The following ABCB1 variants were observed in gnomAD, a reference collection of about 807,000 sequenced individuals.
ABCB1 encodes ATP binding cassette subfamily B member 1.
Under a neutral mutation model 142.0 loss-of-function variants are expected in ABCB1, and 69 were observed. The observed-to-expected ratio is 0.49, with a 90% CI of 0.40 to 0.59. The LOEUF is 0.59. Ranked by LOEUF, ABCB1 falls within the 20% of genes least tolerant of loss-of-function variation. The probability of loss-of-function intolerance (pLI) is 0.00; values close to 1 mark genes in which losing one functional copy is unlikely to be tolerated. For synonymous variants in ABCB1, 532 were observed against 539.2 expected (o/e 0.99, Z 0.18); for missense variants, 1,326 against 1,554.7 (o/e 0.85, Z 2.47).
chr7:87,693,168 C>G (rs1471387369), intron 1 of ABCB1, among the ~76,000 whole-genome samples: 1 of 151,956 alleles, frequency 6.6e-6, no homozygotes, highest in Non-Finnish European at 1.5e-5. Flanking sequence ...TATTGTTATA[C>G]TAGCAATTTC....
intron 1 of ABCB1, among the ~76,000 whole-genome samples, chr7:87,607,871 T>C (rs17328288): frequency 0.03 from 4,582 of 152,302 alleles, 64 homozygotes; most frequent in Middle Eastern, 0.048. Context: ...TTGTTAAAGG[T>C]GAAAACGATT....
chr7:87,575,941 A>T (rs1563059637), intron 4 of ABCB1, among the ~76,000 whole-genome samples: 1 of 152,152 alleles, frequency 6.6e-6, no homozygotes, highest in Non-Finnish European at 1.5e-5. Flanking sequence ...AAAAAGTAGG[A>T]TTCCTGGCCC....
intron 1 of ABCB1, among the ~76,000 whole-genome samples, chr7:87,642,596 T>C (rs1021252014): frequency 9.9e-5 from 15 of 151,976 alleles, no homozygotes; most frequent in Admixed American, 9.2e-4. Flanking sequence ...GATGAATCTT[T>C]TTGGAAAGTT....
chr7:87,520,422 TC>T (rs1263592443), intron 22 of ABCB1, among the ~76,000 whole-genome samples: 1 of 152,134 alleles, frequency 6.6e-6, no homozygotes, highest in East Asian at 1.9e-4. Context: ...AGCACCATCC[TC>T]TCTGTGTCCC....
At chr7:87,566,534 T>C (rs1202169) in intron 6 of ABCB1, among the ~76,000 whole-genome samples, 60,262 of 151,998 alleles carry the variant, frequency 0.4, 12,766 homozygotes, top group East Asian at 0.64. Context: ...TACTGCACAT[T>C]CTCAGAGGAT....
chr7:87,515,559 T>C (rs992594354), intron 24 of ABCB1, 131 bp from the exon 25 acceptor site: 10 of 557,970 alleles, frequency 1.8e-5, no homozygotes, highest in Non-Finnish European at 2.7e-5. Flanking sequence ...TTCAAACTGC[T>C]AGAATTTATT....
At chr7:87,676,237 C>A (rs1453661984) in intron 1 of ABCB1, among the ~76,000 whole-genome samples, 1 of 151,852 alleles carries the variant, frequency 6.6e-6, no homozygotes, top group Admixed American at 6.6e-5. Flanking sequence ...AACAAACAAA[C>A]AAACAAACAA....
At chr7:87,520,727 T>C (rs757175766) in intron 22 of ABCB1, 49 bp downstream of exon 22, 23 of 1,510,238 alleles carry the variant, frequency 1.5e-5, no homozygotes, top group Non-Finnish European at 1.8e-5. Flanking sequence ...ACAAATATGA[T>C]GATTGAAAAA....
intron 1 of ABCB1, among the ~76,000 whole-genome samples, chr7:87,609,287 T>C (rs543430315): frequency 6.6e-6 from 1 of 152,300 alleles, no homozygotes. Context: ...CATGAATATA[T>C]TGGAGATCCT....
upstream of ABCB1, among the ~76,000 whole-genome samples, chr7:87,601,268 A>G (rs1296833419): frequency 1.3e-5 from 2 of 152,228 alleles, no homozygotes; most frequent in Non-Finnish European, 2.9e-5. Flanking sequence ...CCAATTCTGT[A>G]TCACCTTTCT....
chr7:87,658,329 A>G (rs28746493), intron 1 of ABCB1, among the ~76,000 whole-genome samples: 48 of 152,322 alleles, frequency 3.2e-4, no homozygotes, highest in Admixed American at 5.9e-4. Context: ...AGACAAAACA[A>G]TAGAAATTTC....
rs1223214095 is a variant in ABCB1, at chr7:87,507,689, A to G, written c.3489+1586T>C. 2.0e-5 allele frequency among the ~76,000 whole-genome samples: 3 copies of G among 152,102 alleles called. No individual in the cohort carries two copies. In the South Asian group the frequency reaches 6.2e-4, roughly 32 times the overall value. The stretch of plus-strand genomic sequence containing the variant: ...GGTGTTGCTTGCCTGCCTCGTGAGG[A>G]AACTGTCTTCCCCGCCGGGTTGAGG... On this transcript the variant is annotated intron_variant, in intron 26 of 27. Transcript: ENST00000622132.
At chr7:87,614,447 AAGAG>A (rs1462257555) in intron 1 of ABCB1, among the ~76,000 whole-genome samples, 2 of 152,084 alleles carry the variant, frequency 1.3e-5, no homozygotes, top group Non-Finnish European at 2.9e-5. Flanking sequence ...AAGAGAAAGA[AAGAG>A]AGAAAGAATG....
chr7:87,618,529 A>G (rs1002213910), intron 1 of ABCB1, among the ~76,000 whole-genome samples: 1 of 152,194 alleles, frequency 6.6e-6, no homozygotes, highest in African/African-American at 2.4e-5. Context: ...GTTGGGGAGG[A>G]CAATGCCAGG....
intron 1 of ABCB1, among the ~76,000 whole-genome samples, chr7:87,693,180 G>C (rs558294791): frequency 6.6e-5 from 10 of 152,208 alleles, no homozygotes; most frequent in African/African-American, 2.2e-4. Flanking sequence ...AGCAATTTCT[G>C]AAAAATATAG....
rs2117130275 is a variant in ABCB1, at chr7:87,531,364, C to G, written c.2615G>C (p.Gly872Ala). ...LAIVPIIAIAGVVEMKMLSGQ... is the reference protein window; with the variant it reads ...LAIVPIIAIAAVVEMKMLSGQ... Reference sequence around the variant, plus strand: ...AGACAACATTTTCATTTCAACAACTCCTGCTATTGCAATGATGGGTACAAT... The same window carrying G: ...AGACAACATTTTCATTTCAACAACTGCTGCTATTGCAATGATGGGTACAAT... Residue 872 changes from glycine (G) to alanine (A), a missense_variant, in exon 21 of 28, where the codon GGA becomes GCA. Physicochemically the swap from Gly to Ala is moderately conservative, Grantham distance 60 (BLOSUM62 0). Coordinates refer to ENST00000622132, the MANE Select transcript of ABCB1 (RefSeq NM_001348946.2). The G allele has an allele frequency of 6.2e-7, 1 of 1,613,474 alleles. No homozygotes were observed. Among genetic ancestry groups the G allele is most frequent in the Non-Finnish European group, 8.5e-7 (1 of 1,179,690 alleles).
chr7:87,582,815 GA>G (rs1318172963), intron 4 of ABCB1, among the ~76,000 whole-genome samples: 1 of 151,964 alleles, frequency 6.6e-6, no homozygotes, highest in Non-Finnish European at 1.5e-5. Context: ...TTCTTCTTTT[GA>G]TTTTTTTTCA....
At position 87,673,499 on chromosome 7, in the gene ABCB1, G is replaced by C. The variant is rs148789565; in HGVS notation, c.-331+39662C>G. On this transcript the variant is annotated intron_variant, in intron 1 of 28. Coordinates refer to the ABCB1 transcript ENST00000265724. ...TTGAGATTCTTTCCTCAGTTTGGTC[G>C]AATCTGCTATTAATACTTGTGATTA... is the stretch of plus-strand genomic sequence containing the variant. Among the ~76,000 whole-genome samples the C allele has an allele frequency of 1.2e-4, 19 of 152,212 alleles. No homozygotes were observed. In the South Asian group the frequency reaches 3.7e-3, roughly 30 times the overall value.
intron 1 of ABCB1, among the ~76,000 whole-genome samples, chr7:87,621,812 T>A (rs1167752857): frequency 6.6e-6 from 1 of 152,142 alleles, no homozygotes; most frequent in Non-Finnish European, 1.5e-5. Context: ...ACATTAATGT[T>A]AGCTGTTTCT....
Sources: gnomAD v4.1 joint callset for allele counts (sites outside exome capture counted in the v4.1 genomes callset) on GRCh38, gnomAD v4.1.1 for gene constraint, MANE v1.5 for transcripts, NCBI Gene and HGNC (gene_info 2026-07-23, HGNC 2026-07-21) for gene names.